The following KIF11 variants were observed in gnomAD, a reference collection of about 807,000 sequenced individuals.
The protein encoded by KIF11 is kinesin-like protein KIF11.
In KIF11, 9 loss-of-function variants were observed where a neutral mutation model predicts 121.0. That is an observed-to-expected ratio of 0.07 (90% CI 0.04 to 0.13). KIF11 has a LOEUF of 0.13. Ranked by LOEUF, KIF11 falls within the 10% of genes least tolerant of loss-of-function variation. The pLI is 1.00. For missense variants in KIF11, 846 were observed against 1,217.5 expected, an observed-to-expected ratio of 0.69 and a Z score of 4.54; for synonymous variants, 408 against 421.0, an observed-to-expected ratio of 0.97 and a Z score of 0.38.
chr10:92,609,233 C>T (rs762115075), intron 5 of KIF11, 28 bp downstream of exon 5: 2 of 1,528,354 alleles, frequency 1.3e-6, no homozygotes. Flanking sequence ...AATGAAATGT[C>T]TCTGAATTTT....
chr10:92,610,401 C>T (rs1844483049), intron 6 of KIF11, among the ~76,000 whole-genome samples: 1 of 152,130 alleles, frequency 6.6e-6, no homozygotes, highest in Admixed American at 6.6e-5. Context: ...ATTTTCCTCT[C>T]TTACCACTCT....
At chr10:92,634,860 G>A (rs1433535422) in intron 14 of KIF11, among the ~76,000 whole-genome samples, 1 of 152,218 alleles carries the variant, frequency 6.6e-6, no homozygotes, top group African/African-American at 2.4e-5. Context: ...TAAAACTACA[G>A]TAATATATGA....
intron 17 of KIF11, among the ~76,000 whole-genome samples, chr10:92,641,070 T>C (rs1844860915): frequency 6.6e-6 from 1 of 152,198 alleles, no homozygotes; most frequent in Non-Finnish European, 1.5e-5. Context: ...TAATGTTGCT[T>C]TGTAGCCTCA....
At position 92,613,710 on chromosome 10, in the gene KIF11, A is replaced by G. The variant is rs1236971241; in HGVS notation, c.1032+91A>G. ...TAAAAGTTCATTTACTAGGATGGAC[A>G]CAGTGACTCACACCTGTAAACCCAG... On this transcript the variant is annotated intron_variant, in intron 8 of 21. Transcript: ENST00000260731. The surrounding 1 kb of genome is among the most constrained non-coding windows in gnomAD (Gnocchi z 4.2). 3 of 1,220,110 alleles carry G rather than the reference A, an allele frequency of 2.5e-6. No homozygotes were observed. Among genetic ancestry groups the G allele is most frequent in the Non-Finnish European group, 3.4e-6 (3 of 880,336 alleles). The allele number at this position is 1,220,110 out of a possible 1,614,324, so 75.6% of individuals were successfully genotyped here. A position where few individuals can be genotyped will look rare whatever the true frequency, so the allele number is the denominator to read the frequency against.
chr10:92,632,671 A>G lies in KIF11; in HGVS notation c.1680A>G (p.Leu560=). 3.7e-6 allele frequency: 6 copies of G among 1,609,400 alleles called. No homozygotes were observed. Among genetic ancestry groups the G allele is most frequent in the Non-Finnish European group, 5.1e-6 (6 of 1,177,082 alleles). The change falls in exon 13 of 22, where the codon CTA becomes CTG. Residue 560 remains leucine (L), a synonymous_variant. Coordinates refer to ENST00000260731, the MANE Select transcript of KIF11 (RefSeq NM_004523.4). ...GCAGCTCAAAGCAAAAGGCCATGCT[A>G]GAAGTACATAAGACCTTATTTGGTA... is the stretch of plus-strand genomic sequence containing the variant. ...KDGSSKQKAM[L]EVHKTLFGNL... is the part of the protein sequence containing the mutation.
At chr10:92,649,231 G>A (rs1844954784) in intron 19 of KIF11, among the ~76,000 whole-genome samples, 1 of 151,914 alleles carries the variant, frequency 6.6e-6, no homozygotes, top group South Asian at 2.1e-4. Context: ...ACTTTTCAAT[G>A]AAGTTAGGAA....
intron 1 of KIF11, among the ~76,000 whole-genome samples, chr10:92,605,622 G>A (rs1844422012): frequency 6.6e-6 from 1 of 151,660 alleles, no homozygotes. Context: ...GAGTAGCAGG[G>A]ATTACAGGCA....
intron 18 of KIF11, among the ~76,000 whole-genome samples, chr10:92,647,705 G>A (rs1844934888): frequency 6.6e-6 from 1 of 152,138 alleles, no homozygotes; most frequent in Admixed American, 6.6e-5. Context: ...GGAGTTGAGT[G>A]GCCAGTCCTG....
intron 15 of KIF11, 38 bp from the exon 16 acceptor site, chr10:92,637,349 G>A: frequency 6.3e-7 from 1 of 1,579,154 alleles, no homozygotes; most frequent in Non-Finnish European, 8.5e-7. Flanking sequence ...AAATTGATGT[G>A]TTGTTTAAGA....
chr10:92,636,894 G>A (rs889876306), intron 14 of KIF11, among the ~76,000 whole-genome samples: 3 of 151,516 alleles, frequency 2.0e-5, no homozygotes, highest in African/African-American at 4.8e-5. Flanking sequence ...TTAGCTGGGT[G>A]TGGTGGCTCA....
At position 92,613,347 on chromosome 10, in the gene KIF11, CACTTTT is replaced by C. The variant is rs1460950097; in HGVS notation, c.790-29_790-24del. 1.3e-6 allele frequency: 2 copies of C among 1,485,390 alleles called. No individual in the cohort carries two copies. The highest frequency in any genetic ancestry group is 2.8e-5 in the African/African-American group (2 of 70,704). The allele number at this position is 1,485,390 out of a possible 1,614,324, so 92.0% of individuals were successfully genotyped here. On this transcript the variant is annotated intron_variant, in intron 7 of 21. Coordinates refer to ENST00000260731, the MANE Select transcript of KIF11 (RefSeq NM_004523.4). This position sits in a 1 kb window ranked among gnomAD's most constrained non-coding sequence, Gnocchi z 4.2. Reference sequence around the variant, plus strand: ...TCTTTGAATCCAAATCCAATAGACTCACTTTTTATTTTTATTTTTAAAATTAAAGGT... The same window carrying C: ...TCTTTGAATCCAAATCCAATAGACTCTATTTTTATTTTTAAAATTAAAGGT...
intron 10 of KIF11, among the ~76,000 whole-genome samples, chr10:92,627,628 G>A (rs1844694456): frequency 6.6e-6 from 1 of 151,290 alleles, no homozygotes; most frequent in South Asian, 2.1e-4. Flanking sequence ...TCTGTCATTT[G>A]TATTTATTTT....
intron 4 of KIF11, 31 bp downstream of exon 4, chr10:92,607,268 C>A: frequency 7.6e-7 from 1 of 1,311,530 alleles, no homozygotes; most frequent in African/African-American, 1.4e-5. Context: ...ACTTTTATCT[C>A]TAATGTGACT....
At chr10:92,609,830 G>A (rs900477683) in intron 6 of KIF11, among the ~76,000 whole-genome samples, 6 of 151,972 alleles carry the variant, frequency 3.9e-5, no homozygotes, top group Admixed American at 1.3e-4. Context: ...TCTGCCCACC[G>A]GGTTGAAGCA....
chr10:92,593,325 T>C lies in KIF11; in HGVS notation c.-51T>C. On this transcript the variant is annotated 5_prime_UTR_variant, in exon 1 of 22. Coordinates refer to ENST00000260731, the MANE Select transcript of KIF11 (RefSeq NM_004523.4). The stretch of plus-strand genomic sequence containing the variant: ...GTCGGCCGCCAAGCCCCTCCGCCCC[T>C]CACAGCGCCCAGGTCCGCGGCCGGG... 1 of 1,560,992 alleles carries C rather than the reference T, an allele frequency of 6.4e-7. No homozygotes were observed. The highest frequency in any genetic ancestry group is 1.3e-5 in the African/African-American group (1 of 74,172).
rs375474636 is a variant in KIF11, at chr10:92,607,159, G to A, written c.309G>A (p.Ala103=). The A allele has an allele frequency of 1.3e-6, 2 of 1,588,454 alleles. No individual in the cohort carries two copies. Among genetic ancestry groups the A allele is most frequent in the East Asian group, 2.2e-5 (1 of 44,744 alleles). The change falls in exon 4 of 22, where the codon GCG becomes GCA. Residue 103 remains alanine (A), a splice_region_variant and synonymous_variant. Coordinates refer to ENST00000260731, the MANE Select transcript of KIF11 (RefSeq NM_004523.4). ...ATTTAACACTTGTTAATCTTTACAG[G>A]TATGGCCAAACTGGCACTGGAAAAA... is the stretch of plus-strand genomic sequence containing the variant. ...VIMGYNCTIF[A]YGQTGTGKTF...
chr10:92,602,949 G>A (rs1051930462), intron 1 of KIF11, among the ~76,000 whole-genome samples: 3 of 150,482 alleles, frequency 2.0e-5, no homozygotes, highest in East Asian at 4.0e-4. Context: ...TCTGCCTCCC[G>A]GTTCAAGCGA....
intron 13 of KIF11, among the ~76,000 whole-genome samples, chr10:92,633,304 T>C (rs542633204): frequency 3.3e-5 from 5 of 152,232 alleles, no homozygotes; most frequent in African/African-American, 4.8e-5. Context: ...GTTTTTTTTT[T>C]CTTCTGTAAA....
At chr10:92,611,958 T>C (rs1589593163) in intron 6 of KIF11, among the ~76,000 whole-genome samples, 1 of 152,130 alleles carries the variant, frequency 6.6e-6, no homozygotes, top group Non-Finnish European at 1.5e-5. Flanking sequence ...AGAAGAAAAT[T>C]GAAACTTACC....
Sources: allele counts gnomAD v4.1 joint callset (sites outside exome capture counted in the v4.1 genomes callset), GRCh38; gene constraint gnomAD v4.1.1; non-coding constraint Gnocchi (gnomAD v3.1); transcripts MANE v1.5; gene names NCBI Gene and HGNC (gene_info 2026-07-23, HGNC 2026-07-21).